POU2F2: variants seen among roughly 807,000 people sequenced by gnomAD.
The protein encoded by POU2F2 is POU domain, class 2, transcription factor 2.
Under a neutral mutation model 63.5 loss-of-function variants are expected in POU2F2, and 14 were observed. The ratio of observed to expected loss-of-function variants is 0.22; its 90% CI spans 0.15 to 0.34. The LOEUF (loss-of-function observed/expected upper bound fraction) is 0.34, where lower values mean the gene tolerates loss of function less well. Among genes scored for constraint, POU2F2 ranks in the 10% least tolerant of loss-of-function variants. POU2F2 has a pLI of 1.00. For missense variants in POU2F2, 607 were observed against 815.2 expected (o/e 0.74, Z 3.11); for synonymous variants, 306 against 348.6 (o/e 0.88, Z 1.36).
chr19:42,134,799 C>T (rs531741341), upstream of POU2F2, among the ~76,000 whole-genome samples: 2 of 152,216 alleles, frequency 1.3e-5, no homozygotes, highest in African/African-American at 2.4e-5. Flanking sequence ...AACTGACACG[C>T]GGGCCCCATT....
chr19:42,115,760 G>A (rs1168119345), intron 5 of POU2F2, among the ~76,000 whole-genome samples: 1 of 152,202 alleles, frequency 6.6e-6, no homozygotes, highest in Non-Finnish European at 1.5e-5. Flanking sequence ...AAAAAGATAT[G>A]TGGAAGCCCT....
At position 42,117,296 on chromosome 19, in the gene POU2F2, T is replaced by A; in HGVS notation, c.323A>T (p.His108Leu). ...APLPPQPAQP[H>L]LPQAQLMLTG... ...CAACATGAGTTGGGCCTGGGGCAGA[T>A]GAGGCTGGGCCGGCTGAGGGGGCAG... The change falls in exon 5 of 15, where the codon CAT becomes CTT. Residue 108 changes from histidine to leucine, a missense_variant. Physicochemically the swap from His to Leu is moderately conservative, Grantham distance 99 (BLOSUM62 -3). This residue lies in a region of POU2F2 where 224 missense variants were observed against 264.3 expected (regional missense o/e 0.85). Coordinates refer to ENST00000692977, the MANE Select transcript of POU2F2 (RefSeq NM_001394376.1). The surrounding 1 kb of genome is among the most constrained non-coding windows in gnomAD (Gnocchi z 4.4). 6.6e-7 allele frequency: 1 copy of A among 1,509,060 alleles called. No individual in the cohort carries two copies. The highest frequency in any genetic ancestry group is 8.8e-7 in the Non-Finnish European group (1 of 1,137,526). The allele number at this position is 1,509,060 out of a possible 1,614,324, so 93.5% of individuals were successfully genotyped here.
chr19:42,096,019 G>C lies in POU2F2; in HGVS notation c.729+63C>G. 1.9e-6 allele frequency: 3 copies of C among 1,609,560 alleles called. No homozygotes were observed. The highest frequency in any genetic ancestry group is 2.5e-6 in the Non-Finnish European group (3 of 1,177,854). ...CGCCCGCCCACTGGCCACGCCCCTC[G>C]CGGCATCTATCAACTGGCCACGCCC... On this transcript the variant is annotated intron_variant, in intron 8 of 14. Coordinates refer to ENST00000692977, the MANE Select transcript of POU2F2 (RefSeq NM_001394376.1). This position sits in a 1 kb window ranked among gnomAD's most constrained non-coding sequence, Gnocchi z 4.1.
upstream of POU2F2, among the ~76,000 whole-genome samples, chr19:42,134,061 T>C (rs2033930621): frequency 6.6e-6 from 1 of 152,168 alleles, no homozygotes. Context: ...ACACAGCAAC[T>C]GGCCACAGGA....
chr19:42,141,388 G>A (rs2034122571), intron 2 of POU2F2, among the ~76,000 whole-genome samples: 1 of 152,070 alleles, frequency 6.6e-6, no homozygotes, highest in African/African-American at 2.4e-5. Context: ...GTGTGACCCT[G>A]GGCAGGTGAC....
At chr19:42,141,584 C>A (rs571924153) in intron 2 of POU2F2, among the ~76,000 whole-genome samples, 2 of 147,836 alleles carry the variant, frequency 1.4e-5, no homozygotes, top group Admixed American at 7.0e-5. Flanking sequence ...TGTGTTCAAG[C>A]GATTCTCCTG....
In POU2F2 at chr19:42,167,784, C is replaced by A. The variant is rs1415130512; in HGVS notation, c.-69-7392G>T. On this transcript the variant is annotated intron_variant, in intron 1 of 6. Coordinates refer to the POU2F2 transcript ENST00000524801. Reference sequence around the variant, plus strand: ...TCACCCTCACAAAACCAGGCTCCAGCCTCACCCATTGCCCATATTGCCTAT... The same window carrying A: ...TCACCCTCACAAAACCAGGCTCCAGACTCACCCATTGCCCATATTGCCTAT... Among the ~76,000 whole-genome samples, 3 of 152,212 alleles carry A rather than the reference C, an allele frequency of 2.0e-5. No individual in the cohort carries two copies. The South Asian group carries it at 6.2e-4, about 32-fold the overall frequency.
upstream of POU2F2, among the ~76,000 whole-genome samples, chr19:42,137,373 A>T (rs1175807744): frequency 1.3e-5 from 2 of 151,910 alleles, no homozygotes; most frequent in Non-Finnish European, 2.9e-5. Context: ...AATAAAAAAT[A>T]AAAAGCCATC....
intron 5 of POU2F2, among the ~76,000 whole-genome samples, chr19:42,111,121 T>C: frequency 6.6e-6 from 1 of 152,200 alleles, no homozygotes; most frequent in East Asian, 1.9e-4. Flanking sequence ...TTTTCTTTCT[T>C]TCTCTCTTTC....
At chr19:42,142,113 T>C (rs2034140298) in intron 2 of POU2F2, among the ~76,000 whole-genome samples, 1 of 152,210 alleles carries the variant, frequency 6.6e-6, no homozygotes, top group African/African-American at 2.4e-5. Flanking sequence ...TCTATGGGCG[T>C]ACAAGTATTA....
chr19:42,108,873 G>T (rs767916356), intron 5 of POU2F2, among the ~76,000 whole-genome samples: 2 of 152,240 alleles, frequency 1.3e-5, no homozygotes, highest in Non-Finnish European at 2.9e-5. Flanking sequence ...TAGCACAAGA[G>T]CTAGCATGCC....
intron 1 of POU2F2, among the ~76,000 whole-genome samples, chr19:42,185,598 T>C (rs546018210): frequency 1.3e-5 from 2 of 152,326 alleles, no homozygotes; most frequent in East Asian, 3.9e-4. Context: ...CAGTTCCCTA[T>C]AACTGGAATG....
intron 2 of POU2F2, among the ~76,000 whole-genome samples, chr19:42,158,068 AGTT>A (rs1430870923): frequency 2.0e-5 from 3 of 152,230 alleles, no homozygotes; most frequent in Non-Finnish European, 4.4e-5. Flanking sequence ...TGTTTATTGT[AGTT>A]GTTGTTTCGT....
chr19:42,111,602 C>T (rs1389355790), intron 5 of POU2F2, among the ~76,000 whole-genome samples: 1 of 152,182 alleles, frequency 6.6e-6, no homozygotes, highest in Non-Finnish European at 1.5e-5. Flanking sequence ...CATCCCATTC[C>T]TCCCATCTTC....
At chr19:42,151,955 A>C (rs938351545) in intron 2 of POU2F2, among the ~76,000 whole-genome samples, 1 of 152,234 alleles carries the variant, frequency 6.6e-6, no homozygotes, top group African/African-American at 2.4e-5. Flanking sequence ...CAGAAAGGGC[A>C]GGAAACCAAC....
chr19:42,124,303 CAAAA>C (rs1249716927), intron 1 of POU2F2, among the ~76,000 whole-genome samples: 1 of 44,272 alleles, frequency 2.3e-5, no homozygotes. Flanking sequence ...GACCCTGTCT[CAAAA>C]AAAAAAAAAA....
chr19:42,139,206 G>A (rs2034079372), intron 2 of POU2F2, among the ~76,000 whole-genome samples: 1 of 152,174 alleles, frequency 6.6e-6, no homozygotes, highest in South Asian at 2.1e-4. Flanking sequence ...TGTAGTCCCA[G>A]CTACTTGAGA....
Position 42,191,200 on chromosome 19 carries a change from G to A in POU2F2, c.-70+5183C>T, listed in dbSNP as rs1461268506. Among the ~76,000 whole-genome samples the A allele has an allele frequency of 3.3e-5, 5 of 151,846 alleles. No homozygotes were observed. The East Asian group carries it at 5.8e-4, about 18-fold the overall frequency. On this transcript the variant is annotated intron_variant, in intron 1 of 5. Coordinates refer to the POU2F2 transcript ENST00000532176. ...CTCTACCCATATGGGTGGCATCATC[G>A]GACCCCCCCTTGCTCTCTGACTTCA... is the stretch of plus-strand genomic sequence containing the variant.
At position 42,162,793 on chromosome 19, in the gene POU2F2, G is replaced by T. The variant is rs2034576751; in HGVS notation, c.-69-2401C>A. Among the ~76,000 whole-genome samples, 3 of 152,142 alleles carry T rather than the reference G, an allele frequency of 2.0e-5. No homozygotes were observed. The highest frequency in any genetic ancestry group is 4.4e-5 in the Non-Finnish European group (3 of 68,020). On this transcript the variant is annotated intron_variant, in intron 1 of 6. Coordinates refer to the POU2F2 transcript ENST00000524801. This position sits in a 1 kb window ranked among gnomAD's most constrained non-coding sequence, Gnocchi z 4.1. ...GGAATGACCCCAAGCCAGGGCTTGGGACAGGCCTAAGAATGATGACGCCAC... is the reference window on the plus strand; with the variant it reads ...GGAATGACCCCAAGCCAGGGCTTGGTACAGGCCTAAGAATGATGACGCCAC...
Sources: gnomAD v4.1 joint callset for allele counts (sites outside exome capture counted in the v4.1 genomes callset) on GRCh38, gnomAD v4.1.1 for gene constraint, gnomAD v4.1.1 regional missense constraint, Gnocchi (gnomAD v3.1) non-coding constraint, MANE v1.5 for transcripts, NCBI Gene and HGNC (gene_info 2026-07-23, HGNC 2026-07-21) for gene names.